ADGRB3: variants seen among roughly 807,000 people sequenced by gnomAD.
ADGRB3 encodes brain-specific angiogenesis inhibitor 3.
ADGRB3 carries 37 observed loss-of-function variants against 193.4 expected under a neutral mutation model. The ratio of observed to expected loss-of-function variants is 0.19; its 90% CI spans 0.15 to 0.25. ADGRB3 has a LOEUF of 0.25. ADGRB3 is among the 10% of genes least tolerant of loss of function. ADGRB3 has a pLI of 1.00. For missense variants in ADGRB3, 1,637 were observed against 1,852.9 expected, an observed-to-expected ratio of 0.88 and a Z score of 2.14; for synonymous variants, 690 against 644.2, an observed-to-expected ratio of 1.07 and a Z score of -1.08.
chr6:68,765,168 T>C (rs1766485355), intron 3 of ADGRB3, among the ~76,000 whole-genome samples: 1 of 152,270 alleles, frequency 6.6e-6, no homozygotes, highest in Admixed American at 6.5e-5. Flanking sequence ...TCTTTCTTTA[T>C]TTTTACTATC....
chr6:68,999,601 G>T (rs1245371298), intron 11 of ADGRB3, among the ~76,000 whole-genome samples: 2 of 152,098 alleles, frequency 1.3e-5, no homozygotes, highest in Admixed American at 1.3e-4. Context: ...GTTTCTTTAA[G>T]ATCCAGCTTA....
At chr6:69,285,272 T>A (rs1767523291) in intron 20 of ADGRB3, among the ~76,000 whole-genome samples, 1 of 152,166 alleles carries the variant, frequency 6.6e-6, no homozygotes, top group Admixed American at 6.6e-5. Flanking sequence ...ATAAGTTCAT[T>A]TGTAGTCTAG....
At chr6:68,732,978 A>G (rs1248297779) in intron 3 of ADGRB3, among the ~76,000 whole-genome samples, 1 of 151,812 alleles carries the variant, frequency 6.6e-6, no homozygotes, top group Non-Finnish European at 1.5e-5. Context: ...CATCCAGCTC[A>G]TGATGATGCT....
At chr6:68,721,134 C>T (rs181922580) in intron 3 of ADGRB3, among the ~76,000 whole-genome samples, 2 of 151,608 alleles carry the variant, frequency 1.3e-5, no homozygotes, top group African/African-American at 2.4e-5. Context: ...GGGTATATAC[C>T]GAAAGGAATA....
intron 17 of ADGRB3, among the ~76,000 whole-genome samples, chr6:69,201,270 C>T (rs578084187): frequency 6.6e-6 from 1 of 152,168 alleles, no homozygotes; most frequent in Admixed American, 6.5e-5. Flanking sequence ...TGGTCTACAC[C>T]TGCTGCCTCC....
At chr6:68,657,283 C>T (rs992793549) in intron 3 of ADGRB3, among the ~76,000 whole-genome samples, 1 of 151,256 alleles carries the variant, frequency 6.6e-6, no homozygotes, top group Non-Finnish European at 1.5e-5. Context: ...TGTAGTTTTA[C>T]AGAACTATTT....
At chr6:68,698,903 G>T (rs1332544401) in intron 3 of ADGRB3, among the ~76,000 whole-genome samples, 1 of 151,922 alleles carries the variant, frequency 6.6e-6, no homozygotes, top group Non-Finnish European at 1.5e-5. Context: ...TAATAGGTAG[G>T]TCTAGGCATA....
chr6:69,338,864 T>G lies in ADGRB3; in HGVS notation c.3189-52T>G, dbSNP rs1015933480. The G allele has an allele frequency of 2.6e-5, 40 of 1,517,436 alleles. No individual in the cohort carries two copies. In the African/African-American group the frequency reaches 4.6e-4, roughly 17 times the overall value. 94.0% of individuals were successfully genotyped at this position (1,517,436 alleles called of 1,614,324 possible). A position where few individuals can be genotyped will look rare whatever the true frequency, so the allele number is the denominator to read the frequency against. On this transcript the variant is annotated intron_variant, in intron 24 of 31. Transcript: ENST00000370598. ...CTAACTTGAAGCAGCAATTTTTTTT[T>G]GGTGACAATTCAATATTTTGTTCTT...
chr6:69,340,453 T>C (rs1768950136), intron 26 of ADGRB3, among the ~76,000 whole-genome samples: 1 of 152,148 alleles, frequency 6.6e-6, no homozygotes, highest in Admixed American at 6.6e-5. Flanking sequence ...TCTGTCATTT[T>C]GCATTATCTA....
chr6:69,238,742 A>C (rs546082234), intron 19 of ADGRB3, among the ~76,000 whole-genome samples: 34 of 152,084 alleles, frequency 2.2e-4, no homozygotes, highest in Middle Eastern at 3.4e-3. Flanking sequence ...TGCTAAACAT[A>C]CATACACACA....
At chr6:68,987,618 T>A (rs1336644) in intron 10 of ADGRB3, among the ~76,000 whole-genome samples, 40,024 of 151,972 alleles carry the variant, frequency 0.26, 5,549 homozygotes, top group Middle Eastern at 0.42. Context: ...ATAGTATTAG[T>A]TAAGCACATG....
intron 20 of ADGRB3, among the ~76,000 whole-genome samples, chr6:69,240,161 C>T (rs1324439146): frequency 1.3e-5 from 2 of 152,010 alleles, no homozygotes; most frequent in Admixed American, 1.3e-4. Flanking sequence ...GTTTATTTTG[C>T]TAACCTACGT....
At chr6:68,832,842 C>T (rs759826268) in intron 3 of ADGRB3, among the ~76,000 whole-genome samples, 2 of 152,098 alleles carry the variant, frequency 1.3e-5, no homozygotes, top group Non-Finnish European at 2.9e-5. Flanking sequence ...GTTTGGAGAA[C>T]ACTATCTGTT....
chr6:69,216,786 G>A (rs1765779993), intron 17 of ADGRB3, among the ~76,000 whole-genome samples: 1 of 152,212 alleles, frequency 6.6e-6, no homozygotes, highest in Admixed American at 6.5e-5. Context: ...AGCTTTCAGG[G>A]ACATGGGGTC....
intron 13 of ADGRB3, among the ~76,000 whole-genome samples, chr6:69,037,300 C>A (rs1053753178): frequency 2.0e-5 from 3 of 152,096 alleles, no homozygotes; most frequent in African/African-American, 7.2e-5. Flanking sequence ...TCAATATTGG[C>A]TTTGCTTATA....
intron 10 of ADGRB3, among the ~76,000 whole-genome samples, chr6:68,977,778 C>T (rs1157160764): frequency 6.6e-6 from 1 of 152,124 alleles, no homozygotes; most frequent in Non-Finnish European, 1.5e-5. Context: ...CCAGTCCTCA[C>T]AAGAATCTGC....
At chr6:69,046,690 A>C (rs951143274) in intron 13 of ADGRB3, among the ~76,000 whole-genome samples, 1 of 152,222 alleles carries the variant, frequency 6.6e-6, no homozygotes, top group Non-Finnish European at 1.5e-5. Flanking sequence ...AAGAACTTTA[A>C]TAAAGTACAA....
chr6:69,384,709 C>A (rs1260851464), intron 31 of ADGRB3, among the ~76,000 whole-genome samples: 1 of 151,850 alleles, frequency 6.6e-6, no homozygotes, highest in Non-Finnish European at 1.5e-5. Context: ...TAAATATTTA[C>A]CATTTGGAAG....
chr6:68,707,447 A>G (rs1024235177), intron 3 of ADGRB3, among the ~76,000 whole-genome samples: 3 of 152,158 alleles, frequency 2.0e-5, no homozygotes, highest in African/African-American at 7.2e-5. Flanking sequence ...TGGAAGGGAA[A>G]ATATTCCCAA....
Sources: allele counts gnomAD v4.1 joint callset (sites outside exome capture counted in the v4.1 genomes callset), GRCh38; gene constraint gnomAD v4.1.1; transcripts MANE v1.5; gene names NCBI Gene and HGNC (gene_info 2026-07-23, HGNC 2026-07-21).